Variants in ERC2 observed in about 807,000 individuals in gnomAD.
ERC2 encodes the protein ELKS/RAB6-interacting/CAST family member 2.
ERC2 carries 42 observed loss-of-function variants against 114.8 expected under a neutral mutation model. The ratio of observed to expected loss-of-function variants is 0.37; its 90% CI spans 0.29 to 0.47. ERC2 has a LOEUF of 0.47. Ranked by LOEUF, ERC2 falls within the 20% of genes least tolerant of loss-of-function variation. ERC2 has a pLI of 0.99. For synonymous variants in ERC2, 454 were observed against 425.5 expected, an observed-to-expected ratio of 1.07 and a Z score of -0.82; for missense variants, 939 against 1,150.7, an observed-to-expected ratio of 0.82 and a Z score of 2.66.
intron 6 of ERC2, among the ~76,000 whole-genome samples, chr3:56,092,890 T>G (rs765580307): frequency 6.6e-6 from 1 of 152,202 alleles, no homozygotes; most frequent in Non-Finnish European, 1.5e-5. Flanking sequence ...ACATAAAATT[T>G]TAAAATATTG....
chr3:56,392,552 C>T (rs745977595), intron 2 of ERC2, among the ~76,000 whole-genome samples: 3 of 152,152 alleles, frequency 2.0e-5, no homozygotes, highest in Non-Finnish European at 4.4e-5. Flanking sequence ...AACTCATTAA[C>T]TCTATCTACT....
At chr3:56,161,024 G>A (rs775527351) in intron 4 of ERC2, among the ~76,000 whole-genome samples, 20 of 152,150 alleles carry the variant, frequency 1.3e-4, no homozygotes, top group Non-Finnish European at 1.9e-4. Flanking sequence ...CCTGGTGGGC[G>A]GTAATTGGAT....
intron 6 of ERC2, among the ~76,000 whole-genome samples, chr3:56,114,347 T>C (rs1214856470): frequency 6.6e-6 from 1 of 152,188 alleles, no homozygotes; most frequent in Non-Finnish European, 1.5e-5. Context: ...AAAAAAGGAA[T>C]GCTAGTCAGT....
At chr3:55,559,978 G>A (rs2055893201) in intron 17 of ERC2, among the ~76,000 whole-genome samples, 1 of 152,230 alleles carries the variant, frequency 6.6e-6, no homozygotes, top group African/African-American at 2.4e-5. Flanking sequence ...TTGGAGCAAG[G>A]TGGGAGCAAG....
intron 2 of ERC2, among the ~76,000 whole-genome samples, chr3:56,308,819 T>C (rs1273781895): frequency 2.6e-5 from 4 of 152,092 alleles, no homozygotes; most frequent in Admixed American, 1.3e-4. Flanking sequence ...AAATCCATAC[T>C]CCTTCTCAAG....
At chr3:55,875,458 TG>T (rs1186907062) in intron 14 of ERC2, among the ~76,000 whole-genome samples, 1 of 152,208 alleles carries the variant, frequency 6.6e-6, no homozygotes, top group African/African-American at 2.4e-5. Flanking sequence ...CCCAGGGAAC[TG>T]GCTTAACCAA....
At chr3:56,328,417 C>T (rs2150446098) in intron 2 of ERC2, among the ~76,000 whole-genome samples, 1 of 152,302 alleles carries the variant, frequency 6.6e-6, no homozygotes, top group South Asian at 2.1e-4. Flanking sequence ...TTGTACACTA[C>T]AGCTGTTCAG....
chr3:56,032,905 A>AG (rs2074471001), intron 7 of ERC2, among the ~76,000 whole-genome samples: 4 of 43,182 alleles, frequency 9.3e-5, no homozygotes, highest in African/African-American at 1.6e-4. Flanking sequence ...GAGAGACAGA[A>AG]AGAAAGAAAG....
intron 15 of ERC2, among the ~76,000 whole-genome samples, chr3:55,713,128 GTC>G (rs71637554): frequency 3.7e-4 from 20 of 54,132 alleles, no homozygotes; most frequent in Non-Finnish European, 7.1e-4. Context: ...CTCTCTCTCT[GTC>G]TCACACACAC....
intron 17 of ERC2, among the ~76,000 whole-genome samples, chr3:55,614,022 G>A (rs1342926672): frequency 1.3e-5 from 2 of 149,054 alleles, no homozygotes; most frequent in East Asian, 3.9e-4. Flanking sequence ...AAGAAGACAT[G>A]GCTGGGCTAC....
chr3:55,574,530 G>T (rs901154872), intron 17 of ERC2, among the ~76,000 whole-genome samples: 1 of 150,608 alleles, frequency 6.6e-6, no homozygotes, highest in Non-Finnish European at 1.5e-5. Context: ...GAGCTGGGAT[G>T]GGGGGAGATA....
chr3:56,126,539 C>T (rs921953105), intron 6 of ERC2, among the ~76,000 whole-genome samples: 2 of 152,092 alleles, frequency 1.3e-5, no homozygotes, highest in Non-Finnish European at 2.9e-5. Flanking sequence ...ACAAGGATCA[C>T]TTGAGGCCAA....
chr3:56,028,570 G>A (rs187421266), intron 7 of ERC2, among the ~76,000 whole-genome samples: 25 of 152,120 alleles, frequency 1.6e-4, no homozygotes, highest in South Asian at 1.5e-3. Context: ...ACTGTAAACC[G>A]TCTTATATTT....
intron 3 of ERC2, among the ~76,000 whole-genome samples, chr3:56,195,193 T>G (rs1053064867): frequency 8.5e-5 from 13 of 152,256 alleles, no homozygotes; most frequent in Non-Finnish European, 1.2e-4. Context: ...ACAACTGATC[T>G]GATCACCAAG....
intron 17 of ERC2, among the ~76,000 whole-genome samples, chr3:55,571,483 C>T (rs777862680): frequency 3.3e-5 from 5 of 152,160 alleles, no homozygotes; most frequent in Non-Finnish European, 4.4e-5. Context: ...CCCAATCACC[C>T]TGGGACCAAG....
chr3:56,307,828 GCACACACACACACACA>G (rs10576433), intron 2 of ERC2, among the ~76,000 whole-genome samples: 2 of 147,554 alleles, frequency 1.4e-5, no homozygotes, highest in East Asian at 2.0e-4. Context: ...ACACACACTT[GCACACACACACACACA>G]CACACACACA....
chr3:55,570,480 T>C (rs1035572724), intron 17 of ERC2, among the ~76,000 whole-genome samples: 1 of 152,102 alleles, frequency 6.6e-6, no homozygotes, highest in African/African-American at 2.4e-5. Context: ...TGGTTCCAAA[T>C]GGTCTGGGAT....
At chr3:55,514,336 G>T (rs191821987) in intron 17 of ERC2, among the ~76,000 whole-genome samples, 28 of 152,158 alleles carry the variant, frequency 1.8e-4, no homozygotes, top group African/African-American at 6.0e-4. Context: ...GGTCGAGGCT[G>T]CAGTAAGCCG....
At chr3:56,119,088 T>C (rs1341995039) in intron 6 of ERC2, among the ~76,000 whole-genome samples, 1 of 152,198 alleles carries the variant, frequency 6.6e-6, no homozygotes, top group Non-Finnish European at 1.5e-5. Context: ...ATGTTATGAA[T>C]GGGCATGGAT....
Sources: allele counts gnomAD v4.1 joint callset (sites outside exome capture counted in the v4.1 genomes callset), GRCh38; gene constraint gnomAD v4.1.1; transcripts MANE v1.5; gene names NCBI Gene and HGNC (gene_info 2026-07-23, HGNC 2026-07-21).